The following PRMT8 variants were observed in gnomAD, a reference collection of about 807,000 sequenced individuals.
PRMT8 encodes the protein protein arginine methyltransferase 8.
PRMT8 carries 7 observed loss-of-function variants against 47.1 expected under a neutral mutation model. That is an observed-to-expected ratio of 0.15 (90% CI 0.08 to 0.28). The LOEUF (loss-of-function observed/expected upper bound fraction) is 0.28, where lower values mean the gene tolerates loss of function less well. Among genes scored for constraint, PRMT8 ranks in the 10% least tolerant of loss-of-function variants. The pLI is 1.00. For missense variants in PRMT8, 237 were observed against 505.4 expected, an observed-to-expected ratio of 0.47 and a Z score of 5.09; for synonymous variants, 188 against 186.5, an observed-to-expected ratio of 1.01 and a Z score of -0.07.
chr12:3,381,751 T>G (rs1864094064), intron 1 of PRMT8, among the ~76,000 whole-genome samples: 1 of 152,224 alleles, frequency 6.6e-6, no homozygotes. Context: ...TCCCTCACCT[T>G]GCAAGACTAT....
At chr12:3,451,841 C>A (rs1864922325) in intron 1 of PRMT8, among the ~76,000 whole-genome samples, 1 of 152,168 alleles carries the variant, frequency 6.6e-6, no homozygotes, top group Non-Finnish European at 1.5e-5. Context: ...TCCTTGATTC[C>A]AGTCATATCC....
rs1227467957 is a variant in PRMT8 at position 3,456,580 on chromosome 12, C to T, written c.48+75138C>T. On this transcript the variant is annotated intron_variant, in intron 1 of 9. Coordinates refer to the PRMT8 transcript ENST00000452611. The surrounding 1 kb of genome is among the most constrained non-coding windows in gnomAD (Gnocchi z 4.2). Reference sequence around the variant, plus strand: ...CACCAACAGCCTTCTCCTCGCGAAACGCCCGGGACCATCCGTCTGAATTAC... The same window carrying T: ...CACCAACAGCCTTCTCCTCGCGAAATGCCCGGGACCATCCGTCTGAATTAC... 6.6e-6 allele frequency among the ~76,000 whole-genome samples: 1 copy of T among 152,166 alleles called. No individual in the cohort carries two copies. The highest frequency in any genetic ancestry group is 1.5e-5 in the Non-Finnish European group (1 of 68,042).
intron 1 of PRMT8, among the ~76,000 whole-genome samples, chr12:3,408,986 C>T (rs978448031): frequency 5.9e-5 from 9 of 152,166 alleles, no homozygotes; most frequent in Non-Finnish European, 1.0e-4. Context: ...GGGTATCCTT[C>T]TTGGTGTTGG....
chr12:3,582,419 T>C (rs982337445), intron 7 of PRMT8, among the ~76,000 whole-genome samples: 6 of 152,230 alleles, frequency 3.9e-5, no homozygotes, highest in African/African-American at 1.4e-4. Flanking sequence ...TTGTTAAAAA[T>C]GGCCAGCAGA....
At position 3,580,086 on chromosome 12, in the gene PRMT8, T is replaced by C. The variant is rs868352217; in HGVS notation, c.829-2972T>C. 2.0e-5 allele frequency among the ~76,000 whole-genome samples: 3 copies of C among 152,288 alleles called. No individual in the cohort carries two copies. Among genetic ancestry groups the C allele is most frequent in the Middle Eastern group, 3.4e-3 (1 of 294 alleles). ...TGAAGCCTAGCTACAGCTGATCCCATCCTCACAGATGGCCTGGACCCCCAT... is the reference window on the plus strand; with the variant it reads ...TGAAGCCTAGCTACAGCTGATCCCACCCTCACAGATGGCCTGGACCCCCAT... On this transcript the variant is annotated intron_variant, in intron 7 of 9. Coordinates refer to ENST00000382622, the MANE Select transcript of PRMT8 (RefSeq NM_019854.5). This position sits in a 1 kb window ranked among gnomAD's most constrained non-coding sequence, Gnocchi z 4.6.
At chr12:3,589,295 C>T (rs912408993) in intron 8 of PRMT8, among the ~76,000 whole-genome samples, 7 of 152,180 alleles carry the variant, frequency 4.6e-5, no homozygotes, top group Non-Finnish European at 7.4e-5. Context: ...GTCTATGATC[C>T]TTTCCCTTTC....
chr12:3,523,055 AC>A (rs1402167388), intron 1 of PRMT8, among the ~76,000 whole-genome samples: 4 of 151,808 alleles, frequency 2.6e-5, no homozygotes, highest in Non-Finnish European at 5.9e-5. Context: ...TAAAACCTCC[AC>A]CCCCCAAACC....
chr12:3,509,624 T>C (rs1865679695), intron 1 of PRMT8, among the ~76,000 whole-genome samples: 1 of 152,174 alleles, frequency 6.6e-6, no homozygotes, highest in Non-Finnish European at 1.5e-5. Flanking sequence ...GTACCTTTCC[T>C]GTATGAAAAA....
At chr12:3,539,771 G>A (rs1866186369) in intron 1 of PRMT8, among the ~76,000 whole-genome samples, 1 of 151,274 alleles carries the variant, frequency 6.6e-6, no homozygotes, top group African/African-American at 2.4e-5. Flanking sequence ...CTGGGCCTCA[G>A]GATTGGGGCA....
At chr12:3,439,613 A>C (rs552509540) in intron 1 of PRMT8, among the ~76,000 whole-genome samples, 2 of 152,324 alleles carry the variant, frequency 1.3e-5, no homozygotes, top group Non-Finnish European at 2.9e-5. Flanking sequence ...AGTGTTCACT[A>C]TACAATGTAC....
In PRMT8 at chr12:3,565,698, G is replaced by A. The variant is rs949220367; in HGVS notation, c.482-3008G>A. On this transcript the variant is annotated intron_variant, in intron 4 of 9. Transcript: ENST00000382622. ...CTATCATCTATCTGTCTTCTATATCGTCTGTCTATCTATCAATCATCTCTT... is the reference window on the plus strand; with the variant it reads ...CTATCATCTATCTGTCTTCTATATCATCTGTCTATCTATCAATCATCTCTT... Among the ~76,000 whole-genome samples, 5 of 151,964 alleles carry A rather than the reference G, an allele frequency of 3.3e-5. No individual in the cohort carries two copies. The East Asian group carries it at 7.7e-4, about 23-fold the overall frequency.
At chr12:3,421,323 C>T (rs1269132189) in intron 1 of PRMT8, among the ~76,000 whole-genome samples, 3 of 152,176 alleles carry the variant, frequency 2.0e-5, no homozygotes, top group Non-Finnish European at 4.4e-5. Context: ...CCTCGGCTTC[C>T]TCTGGGTTAG....
At chr12:3,558,314 G>A (rs1378493132) in intron 4 of PRMT8, among the ~76,000 whole-genome samples, 1 of 151,516 alleles carries the variant, frequency 6.6e-6, no homozygotes, top group Non-Finnish European at 1.5e-5. Context: ...CAGAAAAGGT[G>A]CGCACACAGC....
At chr12:3,470,699 G>T (rs933948186) in intron 1 of PRMT8, among the ~76,000 whole-genome samples, 2 of 150,188 alleles carry the variant, frequency 1.3e-5, no homozygotes, top group African/African-American at 4.9e-5. Context: ...AGGGCGGGGG[G>T]ATGGGAGGGG....
At chr12:3,471,881 G>A (rs1865166302) in intron 1 of PRMT8, among the ~76,000 whole-genome samples, 1 of 151,994 alleles carries the variant, frequency 6.6e-6, no homozygotes, top group African/African-American at 2.4e-5. Flanking sequence ...TTGCCCTGTG[G>A]AGGGGCTTTC....
At chr12:3,523,772 G>A (rs1268690447) in intron 1 of PRMT8, among the ~76,000 whole-genome samples, 1 of 152,184 alleles carries the variant, frequency 6.6e-6, no homozygotes, top group Non-Finnish European at 1.5e-5. Context: ...GGGGAAATAA[G>A]ACTTACAAAA....
At chr12:3,549,494 A>C (rs989706108) in intron 2 of PRMT8, among the ~76,000 whole-genome samples, 8 of 63,210 alleles carry the variant, frequency 1.3e-4, no homozygotes, top group African/African-American at 3.1e-4. Context: ...CACATTTTCT[A>C]GTCTTTTTTT....
Position 3,550,235 on chromosome 12 carries a change from G to A in PRMT8, c.417+144G>A. ...CTTCGAGGAGTAGAAGAAATCAGGT[G>A]TGACTCTCAGGAAGGGGAGCAGGCT... On this transcript the variant is annotated intron_variant, in intron 3 of 9. Transcript: ENST00000382622. This position sits in a 1 kb window ranked among gnomAD's most constrained non-coding sequence, Gnocchi z 5.1. The A allele has an allele frequency of 4.0e-6, 4 of 989,528 alleles. No homozygotes were observed. Among genetic ancestry groups the A allele is most frequent in the Non-Finnish European group, 5.9e-6 (4 of 675,934 alleles). The allele number at this position is 989,528 out of a possible 1,614,324, so 61.3% of individuals were successfully genotyped here. A position where few individuals can be genotyped will look rare whatever the true frequency, so the allele number is the denominator to read the frequency against.
chr12:3,389,900 A>C (rs948401591), intron 1 of PRMT8, among the ~76,000 whole-genome samples: 2 of 152,256 alleles, frequency 1.3e-5, no homozygotes, highest in Non-Finnish European at 2.9e-5. Context: ...AAAGGGACCC[A>C]GAAACATACC....
Sources: gnomAD v4.1 joint callset for allele counts (sites outside exome capture counted in the v4.1 genomes callset) on GRCh38, gnomAD v4.1.1 for gene constraint, Gnocchi (gnomAD v3.1) non-coding constraint, MANE v1.5 for transcripts, NCBI Gene and HGNC (gene_info 2026-07-23, HGNC 2026-07-21) for gene names.